The following ATP2B3 variants were observed in gnomAD, a reference collection of about 807,000 sequenced individuals.
The protein encoded by ATP2B3 is plasma membrane calcium-transporting ATPase 3.
Under a neutral mutation model 70.8 loss-of-function variants are expected in ATP2B3, and 12 were observed. The observed-to-expected ratio is 0.17, with a 90% confidence interval of 0.11 to 0.27. The LOEUF (loss-of-function observed/expected upper bound fraction) is 0.27, where lower values mean the gene tolerates loss of function less well. ATP2B3 is among the 10% of genes least tolerant of loss of function. The pLI is 1.00. For missense variants in ATP2B3, 858 were observed against 1,118.5 expected (o/e 0.77, Z 3.32); for synonymous variants, 460 against 497.8 (o/e 0.92, Z 1.01).
At chrX:153,570,079 C>T in intron 21 of ATP2B3, 1 of 357,095 alleles carries the variant, frequency 2.8e-6, no homozygotes, top group Non-Finnish European at 4.8e-6. Flanking sequence ...TCTTCATGAA[C>T]TTGGGCCGCT....
At position 153,558,198 on chromosome X, in the gene ATP2B3, G is replaced by T; in HGVS notation, c.2520G>T (p.Met840Ile). ...DNFTSIVKAVMWGRNVYDSIS... is the reference protein window; with the variant it reads ...DNFTSIVKAVIWGRNVYDSIS... ...TCACCAGCATCGTCAAGGCAGTCAT[G>T]TGGGGCCGTAACGTCTATGACAGCA... The change falls in exon 17 of 22, where the codon ATG (methionine) becomes ATT (isoleucine). Residue 840 changes from methionine (M) to isoleucine (I), a missense_variant. This residue lies in a region of ATP2B3 where 50 missense variants were observed against 106.7 expected (regional missense o/e 0.47). Transcript: ENST00000263519. 8.3e-7 allele frequency: 1 copy of T among 1,211,824 alleles called. No homozygotes were observed. The highest frequency in any genetic ancestry group is 1.8e-5 in the South Asian group (1 of 56,984).
In ATP2B3 at chrX:153,523,145, G is replaced by GT. The variant is rs782725843; in HGVS notation, c.-127+4601dup. On this transcript the variant is annotated intron_variant, in intron 2 of 21. Coordinates refer to ENST00000263519, the MANE Select transcript of ATP2B3 (RefSeq NM_001001344.3). ...AATATAATCCCTTCCTAAATGAATG[G>GT]TTTTTTTCAAAATGGTTATAGTTTA... is the stretch of plus-strand genomic sequence containing the variant. Among the ~76,000 whole-genome samples, 5 of 111,168 alleles carry GT rather than the reference G, an allele frequency of 4.5e-5. No individual in the cohort carries two copies. In the South Asian group the frequency reaches 1.1e-3, roughly 25 times the overall value.
intron 17 of ATP2B3, among the ~76,000 whole-genome samples, chrX:153,558,609 C>T (rs782632534): frequency 8.9e-6 from 1 of 112,164 alleles, no homozygotes; most frequent in East Asian, 2.8e-4. Flanking sequence ...CCCCGGCAAC[C>T]ACTCACAGGC....
chrX:153,562,066 G>T, intron 19 of ATP2B3, 69 bp from the exon 20 acceptor site: 1 of 1,020,679 alleles, frequency 9.8e-7, no homozygotes, highest in Non-Finnish European at 1.4e-6. Context: ...GGGTCTTCAA[G>T]GGGTTGGAGG....
At chrX:153,548,948 G>A (rs1380727454) in intron 10 of ATP2B3, 94 bp downstream of exon 10, 31 of 883,172 alleles carry the variant, frequency 3.5e-5, no homozygotes, top group Non-Finnish European at 4.6e-5. Flanking sequence ...AACTGGGGAC[G>A]TTTGGGATAG....
chrX:153,569,646 G>T, intron 21 of ATP2B3: 1 of 1,211,442 alleles, frequency 8.3e-7, no homozygotes, highest in Non-Finnish European at 1.1e-6. Flanking sequence ...TCAGTTCAGG[G>T]TGCTGTGCGC....
chrX:153,548,131 C>A, intron 9 of ATP2B3, 132 bp downstream of exon 9: 1 of 926,488 alleles, frequency 1.1e-6, no homozygotes, highest in Non-Finnish European at 1.5e-6. Context: ...GCCAGGCAGG[C>A]AAGGGCACAG....
In ATP2B3 at chrX:153,549,750, G is replaced by A. The variant is rs375565941; in HGVS notation, c.1581+11G>A. On this transcript the variant is annotated intron_variant, in intron 11 of 21. Transcript: ENST00000263519. ...ACCACCAAAATACTAGTGAGCTGGG[G>A]CAGGAGCGGGCGGGCAGGGCCGGGG... 62 of 1,205,299 alleles carry A rather than the reference G, an allele frequency of 5.1e-5. No homozygotes were observed. The African/African-American group carries it at 9.7e-4, about 19-fold the overall frequency.
intron 13 of ATP2B3, among the ~76,000 whole-genome samples, chrX:153,554,476 G>A (rs1557012840): frequency 1.8e-5 from 2 of 112,853 alleles, no homozygotes; most frequent in East Asian, 5.6e-4. Flanking sequence ...GTGGCTGAGA[G>A]AGAGTCCAAG....
At chrX:153,558,977 G>A (rs935940849) in intron 17 of ATP2B3, among the ~76,000 whole-genome samples, 6 of 111,689 alleles carry the variant, frequency 5.4e-5, no homozygotes, top group Admixed American at 2.9e-4. Flanking sequence ...TCTTCACCCC[G>A]CCTTAGAAAG....
chrX:153,577,270 C>G (rs2090869528), intron 21 of ATP2B3, among the ~76,000 whole-genome samples: 1 of 112,825 alleles, frequency 8.9e-6, no homozygotes, highest in Non-Finnish European at 1.9e-5. Context: ...AGGGCTGGCT[C>G]CGTGGCCTGG....
intron 21 of ATP2B3, among the ~76,000 whole-genome samples, chrX:153,577,252 T>C (rs190524632): frequency 2.9e-4 from 33 of 112,944 alleles, no homozygotes; most frequent in African/African-American, 1.0e-3. Context: ...AAGCCCAGCC[T>C]GGAAGGAAGG....
intron 19 of ATP2B3, among the ~76,000 whole-genome samples, chrX:153,561,256 T>G (rs2124498327): frequency 8.9e-6 from 1 of 112,349 alleles, no homozygotes; most frequent in African/African-American, 3.2e-5. Context: ...TCCAGAAGTT[T>G]CTTTTGGAGA....
intron 2 of ATP2B3, among the ~76,000 whole-genome samples, chrX:153,519,869 G>A (rs993848614): frequency 1.2e-4 from 14 of 112,561 alleles, no homozygotes; most frequent in Non-Finnish European, 2.6e-4. Context: ...AAGGAGAGCC[G>A]GTCCCTGAGG....
chrX:153,572,536 G>T (rs1326122276), intron 21 of ATP2B3, among the ~76,000 whole-genome samples: 1 of 111,795 alleles, frequency 8.9e-6, no homozygotes, highest in African/African-American at 3.3e-5. Flanking sequence ...GGGATCGCTG[G>T]GGCTCAGTGC....
chrX:153,575,991 G>A lies in ATP2B3; in HGVS notation c.3343-3987G>A, dbSNP rs184669408. Among the ~76,000 whole-genome samples the A allele has an allele frequency of 7.8e-4, 87 of 111,981 alleles. 1 individual carries two copies. The Admixed American group carries it at 7.9e-3, about 10-fold the overall frequency. ...ACCTCGCCTCACCCGGATGAGATGG[G>A]GAGTCCTCCAGCCCAACCTGACCCT... On this transcript the variant is annotated intron_variant, in intron 21 of 21. Transcript: ENST00000263519.
At chrX:153,544,850 C>T (rs144066755) in intron 7 of ATP2B3, among the ~76,000 whole-genome samples, 4,698 of 112,560 alleles carry the variant, frequency 0.042, 137 homozygotes, top group African/African-American at 0.096. Flanking sequence ...CCAGACTTCC[C>T]CCTGCCTCCC....
At chrX:153,548,884 T>C in intron 10 of ATP2B3, 30 bp downstream of exon 10, 2 of 1,181,476 alleles carry the variant, frequency 1.7e-6, no homozygotes, top group Non-Finnish European at 2.3e-6. Flanking sequence ...TTGATACTGT[T>C]TACAGACTCG....
chrX:153,527,463 G>A (rs182327750), intron 2 of ATP2B3, among the ~76,000 whole-genome samples: 5,455 of 112,799 alleles, frequency 0.048, 199 homozygotes, highest in African/African-American at 0.12. Context: ...TATGCAGCTC[G>A]CACACCCGCT....
Sources: gnomAD v4.1 joint callset for allele counts (sites outside exome capture counted in the v4.1 genomes callset) on GRCh38, gnomAD v4.1.1 for gene constraint, gnomAD v4.1.1 regional missense constraint, MANE v1.5 for transcripts, NCBI Gene and HGNC (gene_info 2026-07-23, HGNC 2026-07-21) for gene names.